RPS10: variants seen among roughly 807,000 people sequenced by gnomAD.
RPS10 encodes the protein ribosomal protein S10, also known as small ribosomal subunit protein eS10.
A neutral mutation model predicts 22.6 loss-of-function variants in RPS10; 2 were observed. That is an observed-to-expected ratio of 0.09 (90% CI 0.04 to 0.28). The LOEUF (loss-of-function observed/expected upper bound fraction) is 0.28, where lower values mean the gene tolerates loss of function less well. Ranked by LOEUF, RPS10 falls within the 10% of genes least tolerant of loss-of-function variation. RPS10 has a pLI of 1.00. For missense variants in RPS10, 137 were observed against 222.2 expected, an observed-to-expected ratio of 0.62 and a Z score of 2.44; for synonymous variants, 70 against 75.9, an observed-to-expected ratio of 0.92 and a Z score of 0.40.
rs1765643499 is a variant in RPS10, at chr6:34,418,243, A to C, written c.456+126T>G. 19 of 1,558,098 alleles carry C rather than the reference A, an allele frequency of 1.2e-5. No individual in the cohort carries two copies. In the South Asian group the frequency reaches 2.2e-4, roughly 18 times the overall value. On this transcript the variant is annotated intron_variant, in intron 5 of 5. Transcript: ENST00000648437. ...ATGTAAAATTTGGAATTTGGAAAAA[A>C]GTGGGAGGAGGGAACTGGTTGACAG... is the stretch of plus-strand genomic sequence containing the variant.
Position 34,417,457 on chromosome 6 carries a change from A to C in RPS10, c.*49T>G. On this transcript the variant is annotated 3_prime_UTR_variant, in exon 6 of 6. Transcript: ENST00000648437. Reference sequence around the variant, plus strand: ...TGCAAACAAAATGGACAAAAGATTAAGGTTTTTTGGCTGTAAGTTTATTCA... The same window carrying C: ...TGCAAACAAAATGGACAAAAGATTACGGTTTTTTGGCTGTAAGTTTATTCA... 6.6e-7 allele frequency: 1 copy of C among 1,520,572 alleles called. No individual in the cohort carries two copies. Among genetic ancestry groups the C allele is most frequent in the South Asian group, 1.1e-5 (1 of 88,604 alleles). 94.2% of individuals were successfully genotyped at this position (1,520,572 alleles called of 1,614,324 possible).
intron 5 of RPS10, chr6:34,417,957 A>G: frequency 1.4e-6 from 1 of 717,504 alleles, no homozygotes. Flanking sequence ...TCTCACAACT[A>G]CCTTAGTAGC....
chr6:34,425,330 T>C, intron 1 of RPS10, 109 bp from the exon 2 acceptor site: 3 of 1,418,964 alleles, frequency 2.1e-6, no homozygotes, highest in South Asian at 2.5e-5. Flanking sequence ...GACAACATGC[T>C]GGTGGGAAGA....
intron 3 of RPS10, among the ~76,000 whole-genome samples, chr6:34,423,946 T>C (rs1308168197): frequency 1.3e-5 from 2 of 151,938 alleles, no homozygotes; most frequent in Non-Finnish European, 2.9e-5. Flanking sequence ...CTGAGCTCCA[T>C]AAGGTAACTC....
At chr6:34,424,161 A>AAAAAAAAAAAAAAAAAAAAC (rs1765869705) in intron 3 of RPS10, 3 of 150,762 alleles carry the variant, frequency 2.0e-5, no homozygotes, top group African/African-American at 7.4e-5. Flanking sequence ...AAAAAAAAAA[A>AAAAAAAAAAAAAAAAAAAAC]AAAGCAACTG....
At chr6:34,418,178 G>C (rs1236551528) in intron 5 of RPS10, 191 bp downstream of exon 5, 54 of 1,492,454 alleles carry the variant, frequency 3.6e-5, no homozygotes, top group Non-Finnish European at 4.7e-5. Flanking sequence ...ACTCATTTCA[G>C]TAATTTATGT....
At chr6:34,425,446 TGCACATTCGCGCCAAACTTCCTTAAGTTC>T in intron 1 of RPS10, 1 of 552,366 alleles carries the variant, frequency 1.8e-6, no homozygotes, top group Non-Finnish European at 3.3e-6. Flanking sequence ...AGGATAGTGG[TGCACATTCGCGCCAAACTTCCTTAAGTTC>T]TCATCAATTA....
chr6:34,420,072 TAA>T (rs1765710614), intron 4 of RPS10, among the ~76,000 whole-genome samples: 1 of 152,162 alleles, frequency 6.6e-6, no homozygotes, highest in Non-Finnish European at 1.5e-5. Flanking sequence ...TTTGATTAAA[TAA>T]AAGACATTAG....
intron 3 of RPS10, chr6:34,424,129 C>A (rs1765864078): frequency 1.0e-5 from 1 of 95,524 alleles, no homozygotes; most frequent in Non-Finnish European, 1.7e-5. Context: ...GGCAACAGAG[C>A]AAGACTCCGT....
intron 3 of RPS10, 84 bp from the exon 4 acceptor site, chr6:34,421,891 T>C: frequency 2.0e-6 from 3 of 1,485,232 alleles, no homozygotes; most frequent in South Asian, 1.1e-5. Context: ...ATTGCTCTCC[T>C]GTTGTCACTC....
rs141985920 is a variant in RPS10 at position 34,418,639 on chromosome 6, C to CA, written c.401-216dup. ...CTTCCTTATGTCACCCTTCAATACT[C>CA]ACAGCCCAAACTATAAATCCTCCCA... is the stretch of plus-strand genomic sequence containing the variant. On this transcript the variant is annotated intron_variant, in intron 4 of 5. Transcript: ENST00000648437. Among the ~76,000 whole-genome samples, 237 of 152,262 alleles carry CA rather than the reference C, an allele frequency of 1.6e-3. 1 individual carries two copies. Among genetic ancestry groups the CA allele is most frequent in the African/African-American group, 5.3e-3 (222 of 41,564 alleles).
intron 3 of RPS10, 197 bp downstream of exon 3, chr6:34,424,472 G>A (rs1367965207): frequency 1.6e-6 from 1 of 632,944 alleles, no homozygotes; most frequent in Non-Finnish European, 2.8e-6. Flanking sequence ...CTGTGCTTAA[G>A]GCCATCTCAT....
At chr6:34,419,436 T>A (rs1443050941) in intron 4 of RPS10, among the ~76,000 whole-genome samples, 2 of 152,114 alleles carry the variant, frequency 1.3e-5, no homozygotes, top group Admixed American at 1.3e-4. Flanking sequence ...GTGCTGGAAT[T>A]ACGGGTGTGA....
intron 4 of RPS10, 103 bp downstream of exon 4, chr6:34,421,627 A>G (rs1309242610): frequency 2.3e-6 from 3 of 1,308,112 alleles, no homozygotes; most frequent in Non-Finnish European, 3.3e-6. Context: ...TTTCCTGGTC[A>G]TTTTGTCATC....
rs141996004 is a variant in RPS10, at chr6:34,421,785, C to T, written c.345G>A (p.Ala115=). The T allele has an allele frequency of 8.1e-6, 13 of 1,613,820 alleles. No individual in the cohort carries two copies. The highest frequency in any genetic ancestry group is 1.6e-4 in the Middle Eastern group (1 of 6,078). ...RPKGLEGERP[A]RLTRGEADRD... ...TGTCAGCTTCCCCTCTTGTGAGTCT[C>T]GCAGGTCGCTCACCCTCCAGACCTA... is the stretch of plus-strand genomic sequence containing the variant. The change falls in exon 4 of 6, where the codon GCG becomes GCA. Residue 115 remains alanine, a synonymous_variant. Coordinates refer to ENST00000648437, the MANE Select transcript of RPS10 (RefSeq NM_001014.5).
At chr6:34,425,328 G>T in intron 1 of RPS10, 107 bp from the exon 2 acceptor site, 1 of 1,434,096 alleles carries the variant, frequency 7.0e-7, no homozygotes, top group Non-Finnish European at 9.5e-7. Flanking sequence ...TAGACAACAT[G>T]CTGGTGGGAA....
intron 1 of RPS10, chr6:34,425,555 T>C (rs1765929065): frequency 2.9e-6 from 1 of 346,932 alleles, no homozygotes; most frequent in Non-Finnish European, 5.7e-6. Context: ...TCAGCGACCG[T>C]ACCCAGCGCG....
intron 5 of RPS10, 125 bp downstream of exon 5, chr6:34,418,243 AG>A: frequency 6.4e-7 from 1 of 1,558,216 alleles, no homozygotes; most frequent in African/African-American, 1.4e-5. Context: ...TTTGGAAAAA[AG>A]TGGGAGGAGG....
intron 3 of RPS10, among the ~76,000 whole-genome samples, chr6:34,423,191 GAC>G (rs368574109): frequency 2.0e-4 from 28 of 139,884 alleles, no homozygotes; most frequent in African/African-American, 6.1e-4. Flanking sequence ...TTTTTTTTTT[GAC>G]ACAGTGTCTT....
Sources: allele counts gnomAD v4.1 joint callset (sites outside exome capture counted in the v4.1 genomes callset), GRCh38; gene constraint gnomAD v4.1.1; transcripts MANE v1.5; gene names NCBI Gene and HGNC (gene_info 2026-07-23, HGNC 2026-07-21).